Variants in OSBPL10 observed in about 807,000 individuals in gnomAD.
OSBPL10 encodes the protein oxysterol-binding protein-related protein 10.
In OSBPL10, 49 loss-of-function variants were observed where a neutral mutation model predicts 81.7. The observed-to-expected ratio is 0.60, with a 90% CI of 0.48 to 0.76. OSBPL10 has a LOEUF of 0.76. Among genes scored for constraint, OSBPL10 ranks in the 30% least tolerant of loss-of-function variants. OSBPL10 has a pLI of 0.00. For synonymous variants in OSBPL10, 419 were observed against 383.6 expected (o/e 1.09, Z -1.08); for missense variants, 923 against 987.8 (o/e 0.93, Z 0.88).
intron 1 of OSBPL10, among the ~76,000 whole-genome samples, chr3:32,056,883 C>T (rs1699716755): frequency 6.6e-6 from 1 of 152,210 alleles, no homozygotes; most frequent in African/African-American, 2.4e-5. Flanking sequence ...ACACAAGACA[C>T]AGGTCATAAA....
Position 31,853,418 on chromosome 3 carries a change from G to A in OSBPL10, c.537+23015C>T, listed in dbSNP as rs1700819230. Among the ~76,000 whole-genome samples, 3 of 152,138 alleles carry A rather than the reference G, an allele frequency of 2.0e-5. No homozygotes were observed. The South Asian group carries it at 6.2e-4, about 32-fold the overall frequency. ...CAGCTAAGAATACAAGATGATGGAG[G>A]TAAAGTCTATGGTAGAGAAACAGGA... On this transcript the variant is annotated intron_variant, in intron 3 of 11. Coordinates refer to ENST00000396556, the MANE Select transcript of OSBPL10 (RefSeq NM_017784.5).
chr3:31,731,645 C>T (rs980598936), intron 6 of OSBPL10, among the ~76,000 whole-genome samples: 1 of 152,050 alleles, frequency 6.6e-6, no homozygotes, highest in African/African-American at 2.4e-5. Flanking sequence ...TGTGCCACCA[C>T]GCCCAGCTAA....
intron 2 of OSBPL10, among the ~76,000 whole-genome samples, chr3:32,014,597 G>A (rs2125541495): frequency 6.6e-6 from 1 of 152,252 alleles, no homozygotes; most frequent in African/African-American, 2.4e-5. Flanking sequence ...TCTGGCCAGG[G>A]CAATCAGGCA....
intron 1 of OSBPL10, among the ~76,000 whole-genome samples, chr3:31,910,490 G>A (rs1696542802): frequency 6.6e-6 from 1 of 152,006 alleles, no homozygotes; most frequent in Non-Finnish European, 1.5e-5. Flanking sequence ...AAAGTTATTA[G>A]CCAGGCTTGG....
At chr3:31,712,765 A>G (rs186722436) in intron 6 of OSBPL10, among the ~76,000 whole-genome samples, 1 of 152,378 alleles carries the variant, frequency 6.6e-6, no homozygotes, top group East Asian at 1.9e-4. Flanking sequence ...TACAGCAGTG[A>G]AAACACATCA....
At chr3:31,731,354 A>T (rs1356807476) in intron 6 of OSBPL10, among the ~76,000 whole-genome samples, 3 of 152,234 alleles carry the variant, frequency 2.0e-5, no homozygotes. Flanking sequence ...ACTTGCTCTG[A>T]CAAAACAATT....
chr3:31,743,246 G>T (rs1187209938), intron 5 of OSBPL10, among the ~76,000 whole-genome samples: 3 of 151,820 alleles, frequency 2.0e-5, no homozygotes, highest in Admixed American at 2.0e-4. Context: ...TCATCATGTT[G>T]GTAAGGCTGG....
chr3:31,872,397 G>A (rs978027350), intron 3 of OSBPL10, among the ~76,000 whole-genome samples: 5 of 151,856 alleles, frequency 3.3e-5, no homozygotes, highest in Admixed American at 1.3e-4. Context: ...GAGGCTGGGC[G>A]AGATAGCCAG....
chr3:31,672,726 T>C (rs1700357051), intron 8 of OSBPL10, among the ~76,000 whole-genome samples: 1 of 152,010 alleles, frequency 6.6e-6, no homozygotes. Context: ...ACCCATGAAA[T>C]ACTTGGCTGG....
chr3:31,913,926 T>G (rs567233710), intron 1 of OSBPL10, among the ~76,000 whole-genome samples: 2 of 152,252 alleles, frequency 1.3e-5, no homozygotes, highest in African/African-American at 4.8e-5. Flanking sequence ...ATTGTTTGTT[T>G]GCATGTTTGT....
At chr3:31,813,143 C>T (rs1699751191) in intron 4 of OSBPL10, among the ~76,000 whole-genome samples, 2 of 152,182 alleles carry the variant, frequency 1.3e-5, no homozygotes, top group South Asian at 4.1e-4. Context: ...AGAGAATAAT[C>T]ATCAAAGAAT....
intron 1 of OSBPL10, among the ~76,000 whole-genome samples, chr3:31,886,566 T>C (rs1162799828): frequency 6.6e-6 from 1 of 152,230 alleles, no homozygotes; most frequent in African/African-American, 2.4e-5. Context: ...ACTGCTGGAC[T>C]GCATGAACGG....
At chr3:31,692,667 C>T (rs930002092) in intron 7 of OSBPL10, among the ~76,000 whole-genome samples, 13 of 152,208 alleles carry the variant, frequency 8.5e-5, no homozygotes. Context: ...AGAGCTCAAG[C>T]CAGGGCACAG....
At chr3:31,805,452 A>G (rs1699496105) in intron 4 of OSBPL10, among the ~76,000 whole-genome samples, 1 of 152,196 alleles carries the variant, frequency 6.6e-6, no homozygotes, top group South Asian at 2.1e-4. Flanking sequence ...AAACTAGTCA[A>G]TGCAACTATG....
At chr3:31,867,763 A>AAGGGAGGGAGGG (rs111336656) in intron 3 of OSBPL10, among the ~76,000 whole-genome samples, 2 of 136,574 alleles carry the variant, frequency 1.5e-5, no homozygotes, top group Non-Finnish European at 3.2e-5. Flanking sequence ...GGGAGGAAGG[A>AAGGGAGGGAGGG]AGGGAGGGAG....
At chr3:31,848,898 G>A (rs1684924607) in intron 3 of OSBPL10, among the ~76,000 whole-genome samples, 1 of 152,236 alleles carries the variant, frequency 6.6e-6, no homozygotes, top group Non-Finnish European at 1.5e-5. Flanking sequence ...AAAACTGACT[G>A]ACAGTGGCCT....
intron 7 of OSBPL10, among the ~76,000 whole-genome samples, chr3:31,701,105 T>A (rs954287943): frequency 2.6e-5 from 4 of 152,116 alleles, no homozygotes; most frequent in Non-Finnish European, 5.9e-5. Context: ...ATCTCCTCAG[T>A]CTCTCTCCTG....
Position 31,981,053 on chromosome 3 carries a change from G to A in OSBPL10, c.127C>T (p.Arg43Trp). 3 of 1,482,070 alleles carry A rather than the reference G, an allele frequency of 2.0e-6. No homozygotes were observed. The highest frequency in any genetic ancestry group is 1.3e-5 in the South Asian group (1 of 77,572). 91.8% of individuals were successfully genotyped at this position (1,482,070 alleles called of 1,614,324 possible). ...CCGCCGAGCCCGGCCGCCGCCGACC[G>A]GCTGGAGACCCCCCGGCCCGCCAGA... is the stretch of plus-strand genomic sequence containing the variant. ...CSLAGRGVSSRSAAAGLGGGG... is the reference protein window; with the variant it reads ...CSLAGRGVSSWSAAAGLGGGG... The change falls in exon 1 of 12, where the codon CGG becomes TGG. Residue 43 changes from arginine (R) to tryptophan (W), a missense_variant. Physicochemically the swap from Arg to Trp is moderately radical, Grantham distance 101. Transcript: ENST00000396556. This position sits in a 1 kb window ranked among gnomAD's most constrained non-coding sequence, Gnocchi z 4.5.
intron 1 of OSBPL10, among the ~76,000 whole-genome samples, chr3:31,903,803 T>C (rs1164287821): frequency 1.3e-5 from 2 of 152,312 alleles, no homozygotes; most frequent in Non-Finnish European, 2.9e-5. Context: ...TAAAATCTTC[T>C]ACCTCAGAGC....
Sources: allele counts gnomAD v4.1 joint callset (sites outside exome capture counted in the v4.1 genomes callset), GRCh38; gene constraint gnomAD v4.1.1; non-coding constraint Gnocchi (gnomAD v3.1); transcripts MANE v1.5; gene names NCBI Gene and HGNC (gene_info 2026-07-23, HGNC 2026-07-21).